The following SESN1 variants were observed in gnomAD, a reference collection of about 807,000 sequenced individuals.
The protein encoded by SESN1 is sestrin-1.
A neutral mutation model predicts 59.3 loss-of-function variants in SESN1; 30 were observed. The observed-to-expected ratio is 0.51, with a 90% CI of 0.38 to 0.69. The LOEUF (loss-of-function observed/expected upper bound fraction) is 0.69, where lower values mean the gene tolerates loss of function less well. Ranked by LOEUF, SESN1 falls within the 30% of genes least tolerant of loss-of-function variation. SESN1 has a pLI of 0.00. For missense variants in SESN1, 566 were observed against 673.0 expected (o/e 0.84, Z 1.76); for synonymous variants, 197 against 219.9 (o/e 0.90, Z 0.92).
At chr6:109,027,211 G>A (rs1235229686) in intron 1 of SESN1, among the ~76,000 whole-genome samples, 9 of 151,692 alleles carry the variant, frequency 5.9e-5, no homozygotes, top group Non-Finnish European at 1.2e-4. Context: ...GGTGGCTCAC[G>A]CCTGTAATCC....
intron 1 of SESN1, among the ~76,000 whole-genome samples, chr6:109,039,011 G>A (rs1562465823): frequency 6.8e-6 from 1 of 147,434 alleles, no homozygotes; most frequent in Non-Finnish European, 1.5e-5. Flanking sequence ...AAAGAAGAAA[G>A]AGAAAGAAAG....
chr6:109,019,167 G>A (rs909875747), intron 1 of SESN1, among the ~76,000 whole-genome samples: 1 of 151,980 alleles, frequency 6.6e-6, no homozygotes, highest in Non-Finnish European at 1.5e-5. Flanking sequence ...AGACTAAGCT[G>A]ACAAAGAAAT....
At chr6:109,091,406 C>T (rs1781315906) in intron 1 of SESN1, among the ~76,000 whole-genome samples, 1 of 152,148 alleles carries the variant, frequency 6.6e-6, no homozygotes. Flanking sequence ...CATTAAGTGA[C>T]ACATGACAGT....
intron 1 of SESN1, among the ~76,000 whole-genome samples, chr6:109,092,461 T>C (rs1229741099): frequency 6.6e-6 from 1 of 152,220 alleles, no homozygotes; most frequent in Non-Finnish European, 1.5e-5. Flanking sequence ...CACGATTGGT[T>C]ATCTGGTTTC....
intron 9 of SESN1, among the ~76,000 whole-genome samples, 176 bp from the exon 10 acceptor site, chr6:108,987,806 C>CTTTTTTTTT (rs3029194): frequency 8.9e-5 from 12 of 135,584 alleles, no homozygotes; most frequent in African/African-American, 2.0e-4. Flanking sequence ...CAGCAGCTAT[C>CTTTTTTTTT]TTTTTTTTTT....
chr6:109,006,678 T>C (rs1779740240), intron 1 of SESN1, among the ~76,000 whole-genome samples: 1 of 152,202 alleles, frequency 6.6e-6, no homozygotes, highest in Admixed American at 6.5e-5. Flanking sequence ...ACCACTGTTA[T>C]TATACAGTAG....
intron 1 of SESN1, among the ~76,000 whole-genome samples, chr6:109,039,655 A>G (rs1259151223): frequency 6.6e-6 from 1 of 152,270 alleles, no homozygotes; most frequent in African/African-American, 2.4e-5. Flanking sequence ...TAGATGATTT[A>G]CATTTGTAGA....
intron 2 of SESN1, among the ~76,000 whole-genome samples, chr6:109,001,689 C>A (rs778595715): frequency 3.3e-5 from 5 of 152,098 alleles, no homozygotes; most frequent in African/African-American, 4.8e-5. Flanking sequence ...GGATAAACAA[C>A]AAAGGCTGAA....
intron 1 of SESN1, among the ~76,000 whole-genome samples, chr6:109,053,037 A>G (rs1239949306): frequency 6.6e-6 from 1 of 151,880 alleles, no homozygotes; most frequent in African/African-American, 2.4e-5. Context: ...GGAGCTGTTC[A>G]AGACTAGGAT....
At chr6:109,088,069 C>A (rs1361997921) in intron 1 of SESN1, 1 of 151,958 alleles carries the variant, frequency 6.6e-6, no homozygotes, top group African/African-American at 2.4e-5. Context: ...GGCATGTGAC[C>A]CAATCCCAGT....
At chr6:109,053,354 C>T (rs969462924) in intron 1 of SESN1, among the ~76,000 whole-genome samples, 2 of 152,210 alleles carry the variant, frequency 1.3e-5, no homozygotes, top group South Asian at 4.1e-4. Flanking sequence ...CAACAGAGCG[C>T]TTAAGTCATA....
chr6:109,067,007 TTA>T (rs1351844662), intron 1 of SESN1, among the ~76,000 whole-genome samples: 1 of 152,202 alleles, frequency 6.6e-6, no homozygotes, highest in Non-Finnish European at 1.5e-5. Flanking sequence ...GCAAAATCAA[TTA>T]TGTTTCCTCA....
intron 4 of SESN1, 131 bp downstream of exon 4, chr6:109,000,360 C>T: frequency 1.7e-6 from 1 of 572,054 alleles, no homozygotes; most frequent in South Asian, 4.8e-5. Flanking sequence ...AGAAAATGTG[C>T]ATCTGTGGGA....
At chr6:108,999,623 A>C (rs1779573562) in intron 4 of SESN1, among the ~76,000 whole-genome samples, 1 of 152,144 alleles carries the variant, frequency 6.6e-6, no homozygotes, top group Non-Finnish European at 1.5e-5. Context: ...AAACACTGAC[A>C]CCAATGCTGG....
intron 1 of SESN1, among the ~76,000 whole-genome samples, chr6:109,032,164 CG>C (rs1554264436): frequency 1.3e-5 from 2 of 151,758 alleles, no homozygotes; most frequent in Non-Finnish European, 2.9e-5. Flanking sequence ...CCCAGCTATT[CG>C]GGAGGTTGAG....
At chr6:109,074,294 A>G (rs952228200) in intron 1 of SESN1, among the ~76,000 whole-genome samples, 1 of 144,582 alleles carries the variant, frequency 6.9e-6, no homozygotes, top group Non-Finnish European at 1.5e-5. Flanking sequence ...ATATGTGTGT[A>G]TATATGTATA....
intron 1 of SESN1, among the ~76,000 whole-genome samples, chr6:109,002,798 A>C (rs901015238): frequency 1.3e-5 from 2 of 152,246 alleles, no homozygotes; most frequent in African/African-American, 4.8e-5. Context: ...ATCTAAAACA[A>C]CACCTCACGG....
In SESN1 at chr6:109,094,395, A is replaced by C. The variant is rs1390048059; in HGVS notation, c.-322T>G. On this transcript the variant is annotated 5_prime_UTR_variant, in exon 1 of 10. Transcript: ENST00000436639. ...CTCCTCCGTCTCGCGGGGTCAGTGG[A>C]TATCCTCACGTTGTGGAGCTGTCAA... 8.3e-6 allele frequency: 3 copies of C among 361,540 alleles called. No homozygotes were observed. Among genetic ancestry groups the C allele is most frequent in the Non-Finnish European group, 1.5e-5 (3 of 196,424 alleles). The allele number at this position is 361,540 out of a possible 1,614,324, so 22.4% of individuals were successfully genotyped here.
intron 1 of SESN1, chr6:109,008,742 T>C (rs1779788552): frequency 1.0e-6 from 1 of 979,772 alleles, no homozygotes; most frequent in African/African-American, 1.8e-5. Context: ...AATGTTACAA[T>C]TAAGTACCTC....
Sources: gnomAD v4.1 joint callset for allele counts (sites outside exome capture counted in the v4.1 genomes callset) on GRCh38, gnomAD v4.1.1 for gene constraint, MANE v1.5 for transcripts, NCBI Gene and HGNC (gene_info 2026-07-23, HGNC 2026-07-21) for gene names.